The following FBXL13 variants were observed in gnomAD, a reference collection of about 807,000 sequenced individuals.
FBXL13 encodes the protein F-box and leucine-rich repeat protein 13.
Under a neutral mutation model 83.6 loss-of-function variants are expected in FBXL13, and 67 were observed. The ratio of observed to expected loss-of-function variants is 0.80; its 90% CI spans 0.66 to 0.98. The LOEUF is 0.98. FBXL13 is among the 50% of genes least tolerant of loss of function. The probability of loss-of-function intolerance (pLI) is 0.00; values close to 1 mark genes in which losing one functional copy is unlikely to be tolerated. For missense variants in FBXL13, 822 were observed against 866.5 expected (o/e 0.95, Z 0.64); for synonymous variants, 272 against 299.5 (o/e 0.91, Z 0.95).
chr7:103,043,070 A>G (rs773733160), intron 2 of FBXL13, among the ~76,000 whole-genome samples: 2 of 152,232 alleles, frequency 1.3e-5, no homozygotes, highest in Admixed American at 1.3e-4. Flanking sequence ...CAATCTACTC[A>G]TCTGACAAAG....
At chr7:102,892,321 A>G (rs547452803) in intron 11 of FBXL13, among the ~76,000 whole-genome samples, 3 of 152,328 alleles carry the variant, frequency 2.0e-5, no homozygotes, top group South Asian at 4.1e-4. Flanking sequence ...TAAGCTGTGG[A>G]TGTTAAACAA....
chr7:102,851,099 T>G (rs1235560044), intron 17 of FBXL13, among the ~76,000 whole-genome samples: 1 of 152,200 alleles, frequency 6.6e-6, no homozygotes, highest in Non-Finnish European at 1.5e-5. Context: ...GGCCAGTCAT[T>G]TAAGCGCTCT....
At chr7:102,834,661 C>A (rs1400101041) in intron 17 of FBXL13, 3 of 151,878 alleles carry the variant, frequency 2.0e-5, no homozygotes, top group Non-Finnish European at 4.4e-5. Flanking sequence ...ATTAGCCTGG[C>A]CCCTGAACAA....
chr7:102,836,440 C>G (rs763801948), intron 17 of FBXL13, among the ~76,000 whole-genome samples: 2 of 152,174 alleles, frequency 1.3e-5, no homozygotes, highest in Admixed American at 6.5e-5. Flanking sequence ...CCATTTCCCC[C>G]CTACAGATAA....
intron 8 of FBXL13, among the ~76,000 whole-genome samples, chr7:102,958,565 AATAAAACAGAG>A (rs1563150565): frequency 7.7e-5 from 10 of 129,954 alleles, no homozygotes; most frequent in Admixed American, 4.0e-4. Context: ...TAATAATAAT[AATAAAACAGAG>A]ACAGAGAGAG....
At position 102,976,041 on chromosome 7, in the gene FBXL13, G is replaced by A. The variant is rs778428243; in HGVS notation, c.496-7924C>T. 46 of 766,264 alleles carry A rather than the reference G, an allele frequency of 6.0e-5. 1 individual carries two copies. The highest frequency in any genetic ancestry group is 9.3e-5 in the Non-Finnish European group (39 of 417,900). The allele number at this position is 766,264 out of a possible 1,614,324, so 47.5% of individuals were successfully genotyped here. On this transcript the variant is annotated intron_variant, in intron 6 of 19. Coordinates refer to ENST00000313221, the Ensembl canonical transcript of FBXL13. ...ACCCACGAGGCCATGCCCCCTCTGC[G>A]GAGGACCCCACTGGAAGTTGGACTG...
chr7:102,870,405 T>C (rs973187682), intron 16 of FBXL13, among the ~76,000 whole-genome samples: 1 of 152,204 alleles, frequency 6.6e-6, no homozygotes, highest in Non-Finnish European at 1.5e-5. Flanking sequence ...AGAAGTGTGA[T>C]TTTCTGATAA....
intron 5 of FBXL13, among the ~76,000 whole-genome samples, chr7:103,026,704 G>A (rs755559125): frequency 6.6e-6 from 1 of 152,186 alleles, no homozygotes; most frequent in Non-Finnish European, 1.5e-5. Flanking sequence ...TTTGCTGCGT[G>A]TGTGCTATTG....
rs1419575688 is a variant in FBXL13 at position 103,015,695 on chromosome 7, G to A, written c.495+9368C>T. 1.3e-5 allele frequency among the ~76,000 whole-genome samples: 2 copies of A among 151,344 alleles called. 1 individual carries two copies. The highest frequency in any genetic ancestry group is 1.3e-4 in the Admixed American group (2 of 15,148). ...GCCTGTAATTCCAGTTATTTGGGTG[G>A]TTGAGGCATGAGAATTGCTTGAACC... On this transcript the variant is annotated intron_variant, in intron 6 of 19. Coordinates refer to ENST00000313221, the Ensembl canonical transcript of FBXL13.
At chr7:102,865,789 C>T (rs1222586816) in intron 16 of FBXL13, among the ~76,000 whole-genome samples, 1 of 152,150 alleles carries the variant, frequency 6.6e-6, no homozygotes, top group Admixed American at 6.5e-5. Context: ...CGTGATCCGC[C>T]TGCCTTGGCC....
intron 6 of FBXL13, among the ~76,000 whole-genome samples, chr7:102,978,857 C>G (rs1446241547): frequency 6.6e-6 from 1 of 152,112 alleles, no homozygotes; most frequent in African/African-American, 2.4e-5. Context: ...AATAACAAAG[C>G]CACAAAGTGA....
intron 16 of FBXL13, among the ~76,000 whole-genome samples, chr7:102,859,892 C>A (rs552233155): frequency 4.1e-4 from 63 of 152,266 alleles, no homozygotes; most frequent in Middle Eastern, 3.4e-3. Context: ...GGGAAGTCAC[C>A]AGCATTGCAA....
At chr7:102,876,297 C>T (rs10487279) in intron 16 of FBXL13, among the ~76,000 whole-genome samples, 20,455 of 152,018 alleles carry the variant, frequency 0.13, 1,542 homozygotes, top group East Asian at 0.3. Context: ...AATGGGCCCT[C>T]GTACATCTCA....
intron 18 of FBXL13, among the ~76,000 whole-genome samples, chr7:102,826,742 T>TC (rs1799731140): frequency 1.1e-5 from 1 of 93,622 alleles, no homozygotes; most frequent in African/African-American, 5.2e-5. Flanking sequence ...TATATATATA[T>TC]ATATATATAT....
intron 4 of FBXL13, among the ~76,000 whole-genome samples, chr7:103,027,945 T>G (rs1231741523): frequency 6.6e-6 from 1 of 152,206 alleles, no homozygotes; most frequent in Non-Finnish European, 1.5e-5. Flanking sequence ...GATTAACCAG[T>G]TCCTAACCCT....
chr7:102,880,665 C>T (rs1048542242), intron 14 of FBXL13, among the ~76,000 whole-genome samples: 3 of 152,202 alleles, frequency 2.0e-5, no homozygotes, highest in African/African-American at 7.2e-5. Context: ...TTCTGTGACT[C>T]TTTCTCATGG....
intron 6 of FBXL13, among the ~76,000 whole-genome samples, chr7:103,009,269 A>T (rs1341009995): frequency 6.6e-6 from 1 of 152,158 alleles, no homozygotes; most frequent in Non-Finnish European, 1.5e-5. Context: ...CACCGAGAGA[A>T]AACAAAAGGG....
At chr7:103,044,346 G>T (rs937837854) in intron 2 of FBXL13, among the ~76,000 whole-genome samples, 1 of 152,126 alleles carries the variant, frequency 6.6e-6, no homozygotes, top group African/African-American at 2.4e-5. Context: ...TTTGAACACA[G>T]CCACATGTAA....
intron 5 of FBXL13, among the ~76,000 whole-genome samples, chr7:103,027,211 G>A (rs1174937704): frequency 2.0e-5 from 3 of 151,944 alleles, no homozygotes; most frequent in African/African-American, 7.3e-5. Context: ...CAGGAGAAAT[G>A]CTTGAACCTG....
Sources: gnomAD v4.1 joint callset for allele counts (sites outside exome capture counted in the v4.1 genomes callset) on GRCh38, gnomAD v4.1.1 for gene constraint, MANE v1.5 for transcripts, NCBI Gene and HGNC (gene_info 2026-07-23, HGNC 2026-07-21) for gene names.